Variants in HIBCH observed in about 807,000 individuals in gnomAD.
HIBCH encodes the protein 3-hydroxyisobutyryl-CoA hydrolase, mitochondrial.
A neutral mutation model predicts 58.2 loss-of-function variants in HIBCH; 50 were observed. The observed-to-expected ratio is 0.86, with a 90% CI of 0.68 to 1.09. The LOEUF is 1.09. Among genes scored for constraint, HIBCH ranks in the 50% least tolerant of loss-of-function variants. HIBCH has a pLI of 0.00. For synonymous variants in HIBCH, 151 were observed against 146.9 expected (o/e 1.03, Z -0.20); for missense variants, 450 against 449.7 (o/e 1.00, Z -0.01).
Position 190,224,884 on chromosome 2 carries a change from C to A in HIBCH, c.892-11809G>T, listed in dbSNP as rs114300649. 9.5e-3 allele frequency among the ~76,000 whole-genome samples: 1,451 copies of A among 152,146 alleles called. 10 individuals are homozygous for A. The highest frequency in any genetic ancestry group is 0.016 in the Admixed American group (244 of 15,284). On this transcript the variant is annotated intron_variant, in intron 11 of 13. Transcript: ENST00000359678. ...CCAAAAGTGACCACAAAGTTGCACT[C>A]CTCAGCAAATGTAAAAGAACAGAAA...
At chr2:190,226,918 G>A (rs1407315691) in intron 11 of HIBCH, among the ~76,000 whole-genome samples, 5 of 152,072 alleles carry the variant, frequency 3.3e-5, no homozygotes, top group African/African-American at 7.2e-5. Context: ...ACTGCTCAAC[G>A]AAATAAAAGA....
intron 11 of HIBCH, among the ~76,000 whole-genome samples, chr2:190,221,760 T>A (rs563492954): frequency 9.2e-5 from 14 of 152,104 alleles, no homozygotes; most frequent in Non-Finnish European, 1.0e-4. Context: ...CGACGGAGAC[T>A]ACGGTTGGAC....
intron 2 of HIBCH, among the ~76,000 whole-genome samples, chr2:190,303,018 G>T (rs143757755): frequency 6.6e-6 from 1 of 152,194 alleles, no homozygotes; most frequent in African/African-American, 2.4e-5. Flanking sequence ...AAGTAATGGA[G>T]CCTGGCTCTC....
chr2:190,240,404 G>A (rs1025363822), intron 11 of HIBCH, among the ~76,000 whole-genome samples: 1 of 151,622 alleles, frequency 6.6e-6, no homozygotes, highest in Non-Finnish European at 1.5e-5. Context: ...TTATTAGTCT[G>A]GCTAGTGGTC....
chr2:190,203,503 T>C (rs182082300), downstream of HIBCH: 1 of 162,898 alleles, frequency 6.1e-6, no homozygotes, highest in African/African-American at 2.4e-5. Context: ...AGCTCTTATT[T>C]AACTGAAGCA....
At chr2:190,259,040 A>C (rs1415904674) in intron 7 of HIBCH, among the ~76,000 whole-genome samples, 1 of 152,096 alleles carries the variant, frequency 6.6e-6, no homozygotes, top group Non-Finnish European at 1.5e-5. Context: ...ATAGTGTTTG[A>C]AGTCAATACA....
downstream of HIBCH, chr2:190,201,337 G>T (rs1690235897): frequency 6.0e-6 from 1 of 166,854 alleles, no homozygotes; most frequent in Admixed American, 6.6e-5. Context: ...AAATTTGGGA[G>T]GGAGAAGAAG....
intron 1 of HIBCH, among the ~76,000 whole-genome samples, chr2:190,195,543 C>T (rs6755406): frequency 0.14 from 21,467 of 152,192 alleles, 3,588 homozygotes; most frequent in African/African-American, 0.4. Flanking sequence ...TTATGTGCCA[C>T]CTATATGTAA....
intron 2 of HIBCH, 27 bp downstream of exon 2, chr2:190,310,727 G>T (rs1415222531): frequency 1.3e-6 from 2 of 1,569,640 alleles, no homozygotes. Context: ...TACAAATAAT[G>T]CCAGCAAAAC....
At position 190,239,647 on chromosome 2, in the gene HIBCH, GTTT is replaced by G. The variant is rs60949644; in HGVS notation, c.891+5237_891+5239del. Among the ~76,000 whole-genome samples the G allele has an allele frequency of 5.7e-4, 73 of 127,498 alleles. No homozygotes were observed. In the East Asian group the frequency reaches 6.6e-3, roughly 12 times the overall value. The allele number at this position is 127,498 out of a possible 152,430, so 83.6% of individuals were successfully genotyped here. The stretch of plus-strand genomic sequence containing the variant: ...TTACTTCCTTGAGCAGTGGTTTGTA[GTTT>G]TTTTTTTTTTTTTTTTGAGACAGAG... On this transcript the variant is annotated intron_variant, in intron 11 of 13. Transcript: ENST00000359678.
intron 4 of HIBCH, among the ~76,000 whole-genome samples, chr2:190,291,066 T>C (rs750288229): frequency 8.5e-5 from 13 of 152,234 alleles, no homozygotes; most frequent in Non-Finnish European, 1.9e-4. Flanking sequence ...GATTATTTTC[T>C]CTAGCACTTA....
intron 7 of HIBCH, among the ~76,000 whole-genome samples, chr2:190,259,318 G>GGTGT (rs1364718798): frequency 5.1e-4 from 36 of 71,202 alleles, no homozygotes; most frequent in Non-Finnish European, 8.6e-4. Context: ...TCAGTATACA[G>GGTGT]ATGTGTGTGT....
At chr2:190,297,611 C>T (rs1688137854) in intron 2 of HIBCH, among the ~76,000 whole-genome samples, 1 of 152,160 alleles carries the variant, frequency 6.6e-6, no homozygotes. Context: ...TAAAGCCTTG[C>T]ACAATATAAC....
chr2:190,199,860 C>T (rs760641826), downstream of HIBCH: 5 of 1,613,118 alleles, frequency 3.1e-6, no homozygotes, highest in South Asian at 4.4e-5. Context: ...CTCTTCATAA[C>T]ATGGGCTGCA....
At chr2:190,319,158 C>T (rs1451160727) in intron 1 of HIBCH, among the ~76,000 whole-genome samples, 1 of 152,216 alleles carries the variant, frequency 6.6e-6, no homozygotes, top group Non-Finnish European at 1.5e-5. Context: ...GAGCTCAAAG[C>T]GCAGTGAGGG....
At chr2:190,300,864 T>C (rs1688239447) in intron 2 of HIBCH, among the ~76,000 whole-genome samples, 1 of 152,230 alleles carries the variant, frequency 6.6e-6, no homozygotes, top group Non-Finnish European at 1.5e-5. Flanking sequence ...TTCCATTCTC[T>C]GCATCTGGCT....
intron 6 of HIBCH, among the ~76,000 whole-genome samples, chr2:190,268,755 G>C (rs1330931970): frequency 6.6e-6 from 1 of 152,144 alleles, no homozygotes; most frequent in Non-Finnish European, 1.5e-5. Context: ...TTTTTTAACT[G>C]CTCCTTGTGG....
chr2:190,259,944 T>C (rs1559039302), intron 7 of HIBCH, among the ~76,000 whole-genome samples: 1 of 152,186 alleles, frequency 6.6e-6, no homozygotes, highest in Non-Finnish European at 1.5e-5. Context: ...GAAAAATATA[T>C]ACCTTAACAT....
intron 4 of HIBCH, among the ~76,000 whole-genome samples, chr2:190,292,402 T>G (rs1408655146): frequency 6.6e-6 from 1 of 152,140 alleles, no homozygotes; most frequent in African/African-American, 2.4e-5. Flanking sequence ...CCTCCCAGGT[T>G]CAAGCAATTC....
Sources: gnomAD v4.1 joint callset for allele counts (sites outside exome capture counted in the v4.1 genomes callset) on GRCh38, gnomAD v4.1.1 for gene constraint, MANE v1.5 for transcripts, NCBI Gene and HGNC (gene_info 2026-07-23, HGNC 2026-07-21) for gene names.